Variants in RORA observed in about 807,000 individuals in gnomAD.
RORA encodes the protein nuclear receptor ROR-alpha.
In RORA, 7 loss-of-function variants were observed where a neutral mutation model predicts 69.5. The observed-to-expected ratio is 0.10, with a 90% CI of 0.06 to 0.19. The LOEUF (loss-of-function observed/expected upper bound fraction) is 0.19. RORA is among the 10% of genes least tolerant of loss of function. RORA has a pLI of 1.00. For synonymous variants in RORA, 261 were observed against 240.8 expected, an observed-to-expected ratio of 1.08 and a Z score of -0.78; for missense variants, 457 against 663.0, an observed-to-expected ratio of 0.69 and a Z score of 3.41.
chr15:61,102,991 A>G (rs2078901764), intron 1 of RORA, among the ~76,000 whole-genome samples: 1 of 152,208 alleles, frequency 6.6e-6, no homozygotes, highest in Non-Finnish European at 1.5e-5. Context: ...TTAAAGATAG[A>G]CAAAAATTAT....
intron 1 of RORA, among the ~76,000 whole-genome samples, chr15:60,875,800 T>C (rs2073607087): frequency 6.6e-6 from 1 of 152,162 alleles, no homozygotes; most frequent in Non-Finnish European, 1.5e-5. Context: ...CCAATCCCTC[T>C]AGATATGAAT....
chr15:60,924,241 G>A (rs199684458), intron 1 of RORA, among the ~76,000 whole-genome samples: 82 of 151,794 alleles, frequency 5.4e-4, no homozygotes, highest in East Asian at 2.1e-3. Context: ...GGTGCTGGGA[G>A]AACGGAAGGA....
intron 1 of RORA, among the ~76,000 whole-genome samples, chr15:60,988,935 G>A (rs1464052275): frequency 6.6e-6 from 1 of 152,252 alleles, no homozygotes; most frequent in Middle Eastern, 3.4e-3. Context: ...CGGGTTGTGG[G>A]GCGGGCACAG....
At chr15:60,900,392 T>C (rs1026702867) in intron 1 of RORA, among the ~76,000 whole-genome samples, 1 of 152,202 alleles carries the variant, frequency 6.6e-6, no homozygotes, top group Non-Finnish European at 1.5e-5. Flanking sequence ...TCTTCTACAT[T>C]GATGTTGAAA....
intron 1 of RORA, among the ~76,000 whole-genome samples, chr15:60,993,497 G>T (rs1028761409): frequency 6.6e-6 from 1 of 151,902 alleles, no homozygotes; most frequent in Non-Finnish European, 1.5e-5. Context: ...AAATTAGCCA[G>T]GCATGCATGG....
intron 1 of RORA, among the ~76,000 whole-genome samples, chr15:60,944,503 G>A (rs1318896594): frequency 6.6e-6 from 1 of 152,090 alleles, no homozygotes; most frequent in African/African-American, 2.4e-5. Flanking sequence ...GATCACCTGA[G>A]CTCAGGAGTT....
At chr15:60,605,135 C>G (rs1029626760) in intron 2 of RORA, among the ~76,000 whole-genome samples, 1 of 152,004 alleles carries the variant, frequency 6.6e-6, no homozygotes, top group East Asian at 1.9e-4. Flanking sequence ...TTCTGTCAAC[C>G]TAGCTATGTT....
chr15:61,124,797 C>T (rs1431377887), intron 1 of RORA, among the ~76,000 whole-genome samples: 1 of 152,172 alleles, frequency 6.6e-6, no homozygotes, highest in Non-Finnish European at 1.5e-5. Context: ...GCCTCAGTTT[C>T]TCCATCTGAT....
chr15:60,610,128 T>C (rs772611842), intron 2 of RORA, among the ~76,000 whole-genome samples: 3 of 151,658 alleles, frequency 2.0e-5, no homozygotes, highest in Admixed American at 1.3e-4. Context: ...TAATGGAATG[T>C]GAGCCCTGCA....
chr15:60,684,285 A>C (rs2070704267), intron 1 of RORA, among the ~76,000 whole-genome samples: 1 of 151,972 alleles, frequency 6.6e-6, no homozygotes, highest in African/African-American at 2.4e-5. Flanking sequence ...TTTGAGATAG[A>C]GATATTATAA....
chr15:61,007,132 A>C (rs1894934616), intron 1 of RORA, among the ~76,000 whole-genome samples: 1 of 152,108 alleles, frequency 6.6e-6, no homozygotes, highest in Non-Finnish European at 1.5e-5. Flanking sequence ...GGCTATGAAC[A>C]CCATTGGAGT....
intron 1 of RORA, among the ~76,000 whole-genome samples, chr15:61,197,347 A>C (rs2079854343): frequency 6.6e-6 from 1 of 152,218 alleles, no homozygotes; most frequent in South Asian, 2.1e-4. Flanking sequence ...GTCTCCAGGC[A>C]AGGGCTCCCC....
At chr15:61,053,847 T>C (rs1555406148) in intron 1 of RORA, among the ~76,000 whole-genome samples, 1 of 3,414 alleles carries the variant, frequency 2.9e-4, no homozygotes, top group Non-Finnish European at 6.5e-4. Context: ...TTAGACTTCA[T>C]GATATATATA....
At chr15:61,156,885 C>T (rs1407392341) in intron 1 of RORA, among the ~76,000 whole-genome samples, 2 of 152,172 alleles carry the variant, frequency 1.3e-5, no homozygotes. Flanking sequence ...AGATTCAGCC[C>T]AATACCATCT....
At chr15:61,093,616 A>C (rs1382314304) in intron 1 of RORA, among the ~76,000 whole-genome samples, 1 of 152,210 alleles carries the variant, frequency 6.6e-6, no homozygotes, top group African/African-American at 2.4e-5. Context: ...GGTCAACAAT[A>C]AGTAAGCATG....
chr15:60,546,837 A>T (rs903422383), intron 2 of RORA, among the ~76,000 whole-genome samples: 6 of 152,310 alleles, frequency 3.9e-5, no homozygotes, highest in African/African-American at 1.4e-4. Flanking sequence ...GGCTGAAGTC[A>T]GAATTGTCCG....
intron 1 of RORA, among the ~76,000 whole-genome samples, chr15:61,099,183 G>A (rs752172403): frequency 1.3e-5 from 2 of 152,240 alleles, no homozygotes; most frequent in East Asian, 1.9e-4. Context: ...ATCTAATTAC[G>A]GTTTACCCCA....
intron 2 of RORA, chr15:60,678,188 G>A (rs186895542): frequency 6.5e-6 from 1 of 153,308 alleles, no homozygotes; most frequent in East Asian, 1.9e-4. Context: ...CCATGCCCGT[G>A]GTCGAGCGAC....
At chr15:60,540,601 G>A (rs924755675) in intron 2 of RORA, among the ~76,000 whole-genome samples, 2 of 114,478 alleles carry the variant, frequency 1.7e-5, no homozygotes, top group East Asian at 5.5e-4. Flanking sequence ...ACAAAACCCA[G>A]CTGCATGAAG....
Sources: gnomAD v4.1 joint callset for allele counts (sites outside exome capture counted in the v4.1 genomes callset) on GRCh38, gnomAD v4.1.1 for gene constraint, MANE v1.5 for transcripts, NCBI Gene and HGNC (gene_info 2026-07-23, HGNC 2026-07-21) for gene names.